The following CD96 variants were observed in gnomAD, a reference collection of about 807,000 sequenced individuals.
The protein encoded by CD96 is T-cell surface protein tactile.
Under a neutral mutation model 71.3 loss-of-function variants are expected in CD96, and 70 were observed. The observed-to-expected ratio is 0.98, with a 90% CI of 0.81 to 1.20. The LOEUF is 1.20. Among genes scored for constraint, CD96 ranks in the 50% most tolerant of loss-of-function variants. The pLI, the probability that CD96 is intolerant of heterozygous loss-of-function variation, is 0.00. For synonymous variants in CD96, 248 were observed against 233.0 expected (o/e 1.06, Z -0.59); for missense variants, 742 against 677.5 (o/e 1.10, Z -1.06).
At chr3:111,646,935 G>A (rs1316387360) in intron 12 of CD96, among the ~76,000 whole-genome samples, 1 of 151,904 alleles carries the variant, frequency 6.6e-6, no homozygotes, top group African/African-American at 2.4e-5. Flanking sequence ...TGGAACTGGA[G>A]ACCATTATCC....
intron 12 of CD96, among the ~76,000 whole-genome samples, chr3:111,645,516 T>C (rs1436550375): frequency 6.6e-6 from 1 of 152,086 alleles, no homozygotes; most frequent in African/African-American, 2.4e-5. Flanking sequence ...CAATAACTTA[T>C]GGAAAAAAAA....
chr3:111,547,297 G>T (rs558621063), intron 2 of CD96, among the ~76,000 whole-genome samples: 1 of 152,308 alleles, frequency 6.6e-6, no homozygotes, highest in African/African-American at 2.4e-5. Context: ...CTATTTCTCA[G>T]TTCCAATTAA....
chr3:111,610,328 CTG>C (rs1320660686), intron 8 of CD96, among the ~76,000 whole-genome samples: 4 of 152,314 alleles, frequency 2.6e-5, no homozygotes, highest in African/African-American at 9.6e-5. Flanking sequence ...GCCTCAGAAG[CTG>C]GTAGGATTCA....
chr3:111,600,769 T>G lies in CD96; in HGVS notation c.942T>G (p.Phe314Leu), dbSNP rs1937457991. The stretch of plus-strand genomic sequence containing the variant: ...AAGAGAGAAAAGGCAAAGATGGATT[T>G]TTGGAACTGAAGTCTGTTTTAACAA... ...TNEERKGKDG[F>L]LELKSVLTRV... Residue 314 changes from phenylalanine (F) to leucine (L), a missense_variant, in exon 7 of 14, where the codon TTT becomes TTG. Phe to Leu is a conservative substitution (Grantham distance 22). Coordinates refer to ENST00000352690, the MANE Select transcript of CD96 (RefSeq NM_005816.5). 6.2e-6 allele frequency: 10 copies of G among 1,613,748 alleles called. No homozygotes were observed. In the East Asian group the frequency reaches 2.2e-4, roughly 36 times the overall value.
chr3:111,660,249 C>T (rs1940324276), intron 14 of CD96, among the ~76,000 whole-genome samples: 1 of 152,128 alleles, frequency 6.6e-6, no homozygotes, highest in Admixed American at 6.5e-5. Flanking sequence ...AAATCAAGAA[C>T]ACAAACCCAC....
At chr3:111,582,247 G>A (rs1405370324) in intron 4 of CD96, among the ~76,000 whole-genome samples, 4 of 152,136 alleles carry the variant, frequency 2.6e-5, no homozygotes, top group Non-Finnish European at 5.9e-5. Flanking sequence ...GCTGTAGCAG[G>A]CACTGACAGC....
At chr3:111,559,131 A>C (rs906630826) in intron 2 of CD96, among the ~76,000 whole-genome samples, 7 of 149,816 alleles carry the variant, frequency 4.7e-5, no homozygotes, top group South Asian at 4.3e-4. Context: ...GCGGTCTATC[A>C]ATTTTGTTGA....
intron 3 of CD96, among the ~76,000 whole-genome samples, chr3:111,574,749 A>G (rs997819551): frequency 2.0e-5 from 3 of 151,760 alleles, no homozygotes; most frequent in African/African-American, 2.4e-5. Context: ...AGTGCAAAAA[A>G]TCTATTTAAA....
chr3:111,545,375 A>C lies in CD96; in HGVS notation c.391A>C (p.Ile131Leu), dbSNP rs1934341096. ...VLYPEGIQTK[I>L]YNLLIQTHVT... Reference sequence around the variant, plus strand: ...GTATCCAGAGGGCATTCAGACTAAAATCTACAACCTTCTCATTCAGACACA... The same window carrying C: ...GTATCCAGAGGGCATTCAGACTAAACTCTACAACCTTCTCATTCAGACACA... The change falls in exon 2 of 14, where the codon ATC (isoleucine) becomes CTC (leucine). Residue 131 changes from isoleucine to leucine, a missense_variant. Transcript: ENST00000352690. 7.5e-6 allele frequency: 12 copies of C among 1,609,172 alleles called. No homozygotes were observed. Among genetic ancestry groups the C allele is most frequent in the Non-Finnish European group, 1.0e-5 (12 of 1,175,460 alleles).
intron 8 of CD96, among the ~76,000 whole-genome samples, chr3:111,618,813 C>T (rs1333109397): frequency 1.3e-5 from 2 of 151,846 alleles, no homozygotes; most frequent in Non-Finnish European, 2.9e-5. Flanking sequence ...CCTCATGATC[C>T]ACCCGCCTCA....
intron 3 of CD96, among the ~76,000 whole-genome samples, chr3:111,578,272 G>T (rs1936311263): frequency 1.3e-5 from 2 of 152,160 alleles, no homozygotes; most frequent in African/African-American, 2.4e-5. Flanking sequence ...GAATAATAGG[G>T]CTTTTCATCA....
intron 3 of CD96, among the ~76,000 whole-genome samples, chr3:111,578,208 A>G (rs937454654): frequency 3.6e-4 from 55 of 152,198 alleles, no homozygotes; most frequent in African/African-American, 1.3e-3. Context: ...ATTGACATCA[A>G]CCAACACTGT....
intron 5 of CD96, among the ~76,000 whole-genome samples, chr3:111,589,396 A>G (rs1175406128): frequency 1.3e-5 from 2 of 152,218 alleles, no homozygotes; most frequent in Non-Finnish European, 2.9e-5. Context: ...AATGTGCCAT[A>G]AAATTTCCTC....
intron 14 of CD96, among the ~76,000 whole-genome samples, chr3:111,661,658 G>A (rs946100362): frequency 6.6e-6 from 1 of 152,216 alleles, no homozygotes. Flanking sequence ...AAATCTTAAA[G>A]CTCCAAAATA....
intron 2 of CD96, among the ~76,000 whole-genome samples, chr3:111,563,724 A>G (rs1935567195): frequency 6.6e-6 from 1 of 152,196 alleles, no homozygotes; most frequent in East Asian, 1.9e-4. Flanking sequence ...TTAAAAACAT[A>G]TATTCATCAC....
At chr3:111,555,488 G>A (rs1248910352) in intron 2 of CD96, among the ~76,000 whole-genome samples, 1 of 152,278 alleles carries the variant, frequency 6.6e-6, no homozygotes, top group African/African-American at 2.4e-5. Context: ...AATTCAGAGT[G>A]GATTGTTTCT....
At chr3:111,600,957 C>T (rs757366823) in intron 7 of CD96, 43 bp downstream of exon 7, 1 of 1,248,758 alleles carries the variant, frequency 8.0e-7, no homozygotes, top group Non-Finnish European at 1.2e-6. Flanking sequence ...TTTGCTAAGA[C>T]TGCCATAAAT....
intron 14 of CD96, among the ~76,000 whole-genome samples, chr3:111,663,319 A>G (rs1337466509): frequency 6.6e-6 from 1 of 152,264 alleles, no homozygotes; most frequent in Non-Finnish European, 1.5e-5. Context: ...TTACAATTCA[A>G]CATGAGACTT....
chr3:111,597,960 G>A (rs1937332319), intron 5 of CD96, among the ~76,000 whole-genome samples, 160 bp from the exon 6 acceptor site: 1 of 152,164 alleles, frequency 6.6e-6, no homozygotes, highest in South Asian at 2.1e-4. Context: ...TATAGTGCAC[G>A]TTCTAACACA....
Sources: allele counts gnomAD v4.1 joint callset (sites outside exome capture counted in the v4.1 genomes callset), GRCh38; gene constraint gnomAD v4.1.1; transcripts MANE v1.5; gene names NCBI Gene and HGNC (gene_info 2026-07-23, HGNC 2026-07-21).